The following SMAP1 variants were observed in gnomAD, a reference collection of about 807,000 sequenced individuals.
SMAP1 encodes stromal membrane-associated protein 1.
In SMAP1, 24 loss-of-function variants were observed where a neutral mutation model predicts 58.5. The ratio of observed to expected loss-of-function variants is 0.41; its 90% CI spans 0.30 to 0.58. The LOEUF is 0.58. Among genes scored for constraint, SMAP1 ranks in the 20% least tolerant of loss-of-function variants. The pLI is 0.29. For missense variants in SMAP1, 563 were observed against 566.3 expected, an observed-to-expected ratio of 0.99 and a Z score of 0.06; for synonymous variants, 216 against 196.6, an observed-to-expected ratio of 1.10 and a Z score of -0.82.
intron 1 of SMAP1, among the ~76,000 whole-genome samples, chr6:70,729,265 C>A (rs7451673): frequency 2.0e-5 from 3 of 151,758 alleles, no homozygotes; most frequent in Non-Finnish European, 4.4e-5. Context: ...TGGTGAAACC[C>A]CGTCTCTACT....
intron 6 of SMAP1, among the ~76,000 whole-genome samples, chr6:70,808,377 T>C (rs1769228345): frequency 6.6e-6 from 1 of 152,214 alleles, no homozygotes; most frequent in Non-Finnish European, 1.5e-5. Context: ...ACTACTCTTT[T>C]CTTATAGCAT....
At chr6:70,851,356 G>T (rs1474587632) in intron 7 of SMAP1, among the ~76,000 whole-genome samples, 5 of 152,224 alleles carry the variant, frequency 3.3e-5, no homozygotes, top group Admixed American at 3.3e-4. Context: ...GTGGAAATAT[G>T]AATGAGATGG....
intron 6 of SMAP1, among the ~76,000 whole-genome samples, chr6:70,822,980 T>A (rs1379491760): frequency 6.6e-6 from 1 of 152,172 alleles, no homozygotes; most frequent in Non-Finnish European, 1.5e-5. Context: ...ATTTCTTTTT[T>A]AATCTTTCTT....
chr6:70,792,058 A>G (rs2149944016), intron 5 of SMAP1, among the ~76,000 whole-genome samples: 1 of 152,296 alleles, frequency 6.6e-6, no homozygotes, highest in Non-Finnish European at 1.5e-5. Flanking sequence ...TACTTACAGG[A>G]ACGTTTTTTT....
chr6:70,849,039 A>G (rs963903193), intron 7 of SMAP1, among the ~76,000 whole-genome samples: 1 of 152,204 alleles, frequency 6.6e-6, no homozygotes, highest in Non-Finnish European at 1.5e-5. Context: ...TGGGGAGAAG[A>G]TGGAGTAGAG....
At chr6:70,820,429 A>T (rs1351577787) in intron 6 of SMAP1, among the ~76,000 whole-genome samples, 1 of 152,182 alleles carries the variant, frequency 6.6e-6, no homozygotes, top group Admixed American at 6.5e-5. Flanking sequence ...TTTATTATTT[A>T]GGCCGGGTGC....
chr6:70,835,349 A>G (rs1770536189), intron 6 of SMAP1, among the ~76,000 whole-genome samples: 1 of 152,176 alleles, frequency 6.6e-6, no homozygotes, highest in Non-Finnish European at 1.5e-5. Flanking sequence ...TAAAAAACAA[A>G]TAAGGGTAGA....
intron 3 of SMAP1, among the ~76,000 whole-genome samples, chr6:70,756,708 T>G (rs1052217116): frequency 7.9e-5 from 12 of 152,146 alleles, no homozygotes; most frequent in African/African-American, 2.9e-4. Flanking sequence ...ATCACAAGCA[T>G]TCTTATACAC....
chr6:70,762,328 A>C (rs542885673), intron 3 of SMAP1, among the ~76,000 whole-genome samples: 38 of 152,268 alleles, frequency 2.5e-4, no homozygotes, highest in African/African-American at 8.9e-4. Context: ...TTGGAGAGCT[A>C]TGAAGGGACA....
intron 4 of SMAP1, among the ~76,000 whole-genome samples, chr6:70,774,296 T>G (rs1304585790): frequency 1.3e-5 from 2 of 152,222 alleles, no homozygotes; most frequent in Non-Finnish European, 2.9e-5. Context: ...TTTTAAAAAT[T>G]TTCTCATCCA....
chr6:70,744,064 G>T (rs1203976317), intron 2 of SMAP1, among the ~76,000 whole-genome samples: 2 of 151,886 alleles, frequency 1.3e-5, no homozygotes, highest in African/African-American at 2.4e-5. Context: ...TTTGGAAATG[G>T]CATATTTTAG....
At chr6:70,730,670 TG>T (rs112192002) in intron 1 of SMAP1, among the ~76,000 whole-genome samples, 1 of 152,156 alleles carries the variant, frequency 6.6e-6, no homozygotes, top group African/African-American at 2.4e-5. Context: ...TTAAGGAATT[TG>T]GGGGGGCATT....
rs1045035975 is a variant in SMAP1, at chr6:70,699,536, C to T, written c.118+31395C>T. ...AGGTGGGTCCAGAAATGCCTGAGAACCAGGGCTTGGAGTCAGGAAGCTTAG... is the reference window on the plus strand; with the variant it reads ...AGGTGGGTCCAGAAATGCCTGAGAATCAGGGCTTGGAGTCAGGAAGCTTAG... On this transcript the variant is annotated intron_variant, in intron 1 of 10. Transcript: ENST00000370455. 2.0e-5 allele frequency among the ~76,000 whole-genome samples: 3 copies of T among 150,702 alleles called. No individual in the cohort carries two copies. In the East Asian group the frequency reaches 6.0e-4, roughly 30 times the overall value.
chr6:70,861,777 GCGCACTCTTCATGGTGA>G lies in SMAP1; in HGVS notation c.*1445_*1461del. 2 of 1,614,020 alleles carry G rather than the reference GCGCACTCTTCATGGTGA, an allele frequency of 1.2e-6. No individual in the cohort carries two copies. Among genetic ancestry groups the G allele is most frequent in the Non-Finnish European group, 1.7e-6 (2 of 1,179,914 alleles). On this transcript the variant is annotated 3_prime_UTR_variant, in exon 11 of 11. Coordinates refer to ENST00000370455, the MANE Select transcript of SMAP1 (RefSeq NM_001044305.3). ...GAAGGGGAAGGAAATAGCTTGGGTAGCGCACTCTTCATGGTGACACTCGAGGTCGGGCAGCACAAGTG... is the reference window on the plus strand; with the variant it reads ...GAAGGGGAAGGAAATAGCTTGGGTAGCACTCGAGGTCGGGCAGCACAAGTG...
chr6:70,791,591 C>T (rs1484054376), intron 4 of SMAP1, 98 bp from the exon 5 acceptor site: 2 of 966,770 alleles, frequency 2.1e-6, no homozygotes, highest in Non-Finnish European at 3.1e-6. Flanking sequence ...GCTTCTATAT[C>T]TCAAAAATAT....
intron 1 of SMAP1, among the ~76,000 whole-genome samples, chr6:70,669,101 G>A (rs1280439567): frequency 6.6e-6 from 1 of 152,086 alleles, no homozygotes; most frequent in East Asian, 1.9e-4. Context: ...GTAATCTCAA[G>A]GGAAATATTT....
At chr6:70,775,807 T>C (rs554693538) in intron 4 of SMAP1, among the ~76,000 whole-genome samples, 10 of 152,252 alleles carry the variant, frequency 6.6e-5, no homozygotes, top group African/African-American at 1.9e-4. Flanking sequence ...CAAGGGAAAA[T>C]GTATTCCACC....
At chr6:70,739,653 A>G (rs1446412444) in intron 2 of SMAP1, among the ~76,000 whole-genome samples, 1 of 152,062 alleles carries the variant, frequency 6.6e-6, no homozygotes, top group Non-Finnish European at 1.5e-5. Context: ...TTTTTGAACT[A>G]CAGTTTATTT....
intron 6 of SMAP1, among the ~76,000 whole-genome samples, chr6:70,832,627 A>G (rs774950793): frequency 4.6e-5 from 7 of 152,172 alleles, no homozygotes; most frequent in Non-Finnish European, 7.3e-5. Flanking sequence ...GGAAGCTGAG[A>G]TGTCCAAGAG....
Sources: allele counts gnomAD v4.1 joint callset (sites outside exome capture counted in the v4.1 genomes callset), GRCh38; gene constraint gnomAD v4.1.1; transcripts MANE v1.5; gene names NCBI Gene and HGNC (gene_info 2026-07-23, HGNC 2026-07-21).